Variants in OSBPL9 observed in about 807,000 individuals in gnomAD.
OSBPL9 encodes oxysterol-binding protein-related protein 9.
OSBPL9 carries 40 observed loss-of-function variants against 106.6 expected under a neutral mutation model. The observed-to-expected ratio is 0.38, with a 90% CI of 0.29 to 0.49. The LOEUF is 0.49. Among genes scored for constraint, OSBPL9 ranks in the 20% least tolerant of loss-of-function variants. The pLI, the probability that OSBPL9 is intolerant of heterozygous loss-of-function variation, is 0.97. For synonymous variants in OSBPL9, 269 were observed against 295.4 expected (o/e 0.91, Z 0.92); for missense variants, 609 against 887.2 (o/e 0.69, Z 3.98).
At chr1:51,529,388 C>T in the OSBPL9 span, among the ~76,000 whole-genome samples, 1,077 of 152,142 alleles carry the variant, frequency 7.1e-3, 8 homozygotes, top group African/African-American at 0.025. Flanking sequence ...CAGATGCCCG[C>T]CACCATGCCT....
chr1:51,556,916 G>A, the OSBPL9 span, among the ~76,000 whole-genome samples: 1 of 150,818 alleles, frequency 6.6e-6, no homozygotes, highest in Non-Finnish European at 1.5e-5. Context: ...GATGGCTATA[G>A]ACAACAGTAA....
intron 3 of OSBPL9, among the ~76,000 whole-genome samples, chr1:51,695,080 T>C (rs927314898): frequency 1.3e-5 from 2 of 152,248 alleles, no homozygotes; most frequent in African/African-American, 4.8e-5. Flanking sequence ...CGTTATACTT[T>C]AGTGTGTAGC....
intron 4 of OSBPL9, among the ~76,000 whole-genome samples, chr1:51,744,480 G>A (rs961029704): frequency 3.3e-5 from 5 of 152,188 alleles, no homozygotes; most frequent in Admixed American, 2.6e-4. Flanking sequence ...TAATGATAAA[G>A]TATACAAAGA....
rs576374994 is a variant in OSBPL9 at position 51,716,795 on chromosome 1, C to T, written c.318+2716C>T. Among the ~76,000 whole-genome samples the T allele has an allele frequency of 4.6e-5, 7 of 152,206 alleles. No individual in the cohort carries two copies. The South Asian group carries it at 6.2e-4, about 14-fold the overall frequency. ...TTCCAAAGGGGTATAGGAGAGGAGA[C>T]GCAGTGATCTCAGCAACCTACCTTT... On this transcript the variant is annotated intron_variant, in intron 4 of 23. Coordinates refer to ENST00000428468, the MANE Select transcript of OSBPL9 (RefSeq NM_024586.6).
exon 1 of OSBPL9, chr1:51,577,236 T>G (rs1414224457): frequency 6.6e-6 from 1 of 152,124 alleles, no homozygotes; most frequent in Non-Finnish European, 1.5e-5. Flanking sequence ...GAACCATGCT[T>G]CCTGTAAATC....
At chr1:51,656,293 T>C (rs1386720084) in intron 2 of OSBPL9, among the ~76,000 whole-genome samples, 3 of 152,138 alleles carry the variant, frequency 2.0e-5, no homozygotes, top group African/African-American at 7.2e-5. Flanking sequence ...ATGACAACGA[T>C]GATGATGATG....
chr1:51,762,040 G>C, intron 11 of OSBPL9, 69 bp downstream of exon 11: 1 of 1,101,880 alleles, frequency 9.1e-7, no homozygotes, highest in East Asian at 2.4e-5. Flanking sequence ...TGTGACCTCT[G>C]ATGAGGAGGG....
chr1:51,663,143 G>T lies in OSBPL9; in HGVS notation c.163-6291G>T, dbSNP rs1436393442. Among the ~76,000 whole-genome samples the T allele has an allele frequency of 5.3e-5, 8 of 152,062 alleles. No individual in the cohort carries two copies. In the East Asian group the frequency reaches 1.5e-3, roughly 29 times the overall value. On this transcript the variant is annotated intron_variant, in intron 2 of 23. Coordinates refer to ENST00000428468, the MANE Select transcript of OSBPL9 (RefSeq NM_024586.6). The stretch of plus-strand genomic sequence containing the variant: ...AGCATCAAAAAGCATCAAATTTTTA[G>T]GAATAAATATTAACAAAAGATGAGT...
rs1645166810 is a variant in OSBPL9 at position 51,632,469 on chromosome 1, TACAC to T, written c.111+15249_111+15252del. 2.6e-5 allele frequency among the ~76,000 whole-genome samples: 4 copies of T among 152,228 alleles called. No individual in the cohort carries two copies. In the South Asian group the frequency reaches 8.3e-4, roughly 31 times the overall value. ...TTCAAATAGAATGTTCTTTCTGGGA[TACAC>T]TAGATTAATAGTGATTAGAATGATG... On this transcript the variant is annotated intron_variant, in intron 1 of 23. Coordinates refer to ENST00000428468, the MANE Select transcript of OSBPL9 (RefSeq NM_024586.6).
intron 1 of OSBPL9, among the ~76,000 whole-genome samples, chr1:51,619,862 A>G (rs187854718): frequency 1.3e-5 from 2 of 152,320 alleles, no homozygotes; most frequent in Admixed American, 1.3e-4. Context: ...TCTTCCAGGA[A>G]GAATATCTGA....
At chr1:51,765,722 C>A in intron 11 of OSBPL9, 100 bp from the exon 12 acceptor site, 1 of 1,144,400 alleles carries the variant, frequency 8.7e-7, no homozygotes, top group Non-Finnish European at 1.2e-6. Flanking sequence ...CAAACTTAAC[C>A]AAACTCTTTT....
chr1:51,680,571 G>A (rs892082167), intron 3 of OSBPL9, among the ~76,000 whole-genome samples: 9 of 151,846 alleles, frequency 5.9e-5, no homozygotes, highest in Non-Finnish European at 4.4e-5. Context: ...TGAGGTGGGA[G>A]AATCACTTGA....
chr1:51,532,127 A>C, the OSBPL9 span, among the ~76,000 whole-genome samples: 1 of 152,214 alleles, frequency 6.6e-6, no homozygotes, highest in Non-Finnish European at 1.5e-5. Flanking sequence ...AAAGAAAAGT[A>C]TAATTAGAGG....
At chr1:51,638,470 G>GT (rs1645588946) in intron 1 of OSBPL9, among the ~76,000 whole-genome samples, 1 of 152,116 alleles carries the variant, frequency 6.6e-6, no homozygotes, top group South Asian at 2.1e-4. Context: ...CTACATTCTG[G>GT]GTGTGGTGGC....
the OSBPL9 span, among the ~76,000 whole-genome samples, chr1:51,528,585 A>G: frequency 2.6e-5 from 4 of 151,810 alleles, no homozygotes; most frequent in African/African-American, 4.8e-5. Context: ...TAAAAAATCA[A>G]TTCCAGCCCA....
chr1:51,767,539 TA>T (rs1672825854), intron 12 of OSBPL9, among the ~76,000 whole-genome samples: 1 of 152,226 alleles, frequency 6.6e-6, no homozygotes, highest in Admixed American at 6.5e-5. Flanking sequence ...TTACTATAGC[TA>T]GGGTTTTTGC....
At chr1:51,674,815 G>T (rs193276668) in intron 3 of OSBPL9, among the ~76,000 whole-genome samples, 2 of 152,306 alleles carry the variant, frequency 1.3e-5, no homozygotes, top group East Asian at 3.9e-4. Flanking sequence ...CTATAGCAGG[G>T]CATCAAATCT....
chr1:51,786,497 A>G (rs1433397009), intron 21 of OSBPL9, 29 bp from the exon 22 acceptor site: 2 of 1,457,948 alleles, frequency 1.4e-6, no homozygotes, highest in Non-Finnish European at 1.9e-6. Flanking sequence ...TTATGGGTCT[A>G]GTTCCCATCC....
chr1:51,624,042 C>G (rs1040654822), intron 1 of OSBPL9, among the ~76,000 whole-genome samples: 8 of 151,810 alleles, frequency 5.3e-5, no homozygotes, highest in Non-Finnish European at 1.0e-4. Flanking sequence ...CTCAGCCACC[C>G]GAGTAGCTGG....
Sources: gnomAD v4.1 joint callset for allele counts (sites outside exome capture counted in the v4.1 genomes callset) on GRCh38, gnomAD v4.1.1 for gene constraint, MANE v1.5 for transcripts, NCBI Gene and HGNC (gene_info 2026-07-23, HGNC 2026-07-21) for gene names.